Variants in ITSN2 observed in about 807,000 individuals in gnomAD.
ITSN2 encodes intersectin-2.
ITSN2 carries 156 observed loss-of-function variants against 243.7 expected under a neutral mutation model. That is an observed-to-expected ratio of 0.64 (90% CI 0.56 to 0.73). The LOEUF (loss-of-function observed/expected upper bound fraction) is 0.73, where lower values mean the gene tolerates loss of function less well. Ranked by LOEUF, ITSN2 falls within the 30% of genes least tolerant of loss-of-function variation. The pLI is 0.00. For synonymous variants in ITSN2, 703 were observed against 699.9 expected (o/e 1.00, Z -0.07); for missense variants, 1,801 against 1,996.1 (o/e 0.90, Z 1.86).
At chr2:24,336,111 G>A (rs988805943) in intron 1 of ITSN2, among the ~76,000 whole-genome samples, 14 of 151,516 alleles carry the variant, frequency 9.2e-5, no homozygotes, top group Admixed American at 3.9e-4. Context: ...GCATGGTGGC[G>A]GGCACCTGTA....
intron 2 of ITSN2, among the ~76,000 whole-genome samples, chr2:24,324,566 T>G (rs1000502558): frequency 6.6e-6 from 1 of 152,042 alleles, no homozygotes; most frequent in Non-Finnish European, 1.5e-5. Context: ...GGTACAAAGA[T>G]GAATAAAATG....
At chr2:24,294,923 G>A (rs1294117912) in intron 14 of ITSN2, among the ~76,000 whole-genome samples, 5 of 152,132 alleles carry the variant, frequency 3.3e-5, no homozygotes, top group African/African-American at 9.7e-5. Context: ...ATGTGAAGAC[G>A]CAGCAAGAAG....
At chr2:24,247,414 G>A (rs1252137478) in intron 27 of ITSN2, among the ~76,000 whole-genome samples, 3 of 152,104 alleles carry the variant, frequency 2.0e-5, no homozygotes, top group African/African-American at 7.2e-5. Context: ...ACTTTAATCT[G>A]TATCCTTTCA....
intron 17 of ITSN2, among the ~76,000 whole-genome samples, chr2:24,279,726 C>CTTTTTT (rs955431908): frequency 9.6e-4 from 75 of 78,234 alleles, no homozygotes; most frequent in Middle Eastern, 0.013. Flanking sequence ...TGTGAATTTT[C>CTTTTTT]TTTTTTTTTT....
intron 1 of ITSN2, among the ~76,000 whole-genome samples, chr2:24,346,102 T>C (rs1005415877): frequency 2.0e-5 from 3 of 152,156 alleles, no homozygotes; most frequent in Non-Finnish European, 4.4e-5. Flanking sequence ...CCTCTAAGAC[T>C]GTATCCCAGC....
chr2:24,334,400 G>A lies in ITSN2; in HGVS notation c.-33-6285C>T, dbSNP rs1240517330. On this transcript the variant is annotated intron_variant, in intron 1 of 39. Coordinates refer to ENST00000355123, the MANE Select transcript of ITSN2 (RefSeq NM_006277.3). Reference sequence around the variant, plus strand: ...AGTAGAGATGGGGTTTCACCATCTTGGCCAAACCCCAAACCCCTTGGCCCA... The same window carrying A: ...AGTAGAGATGGGGTTTCACCATCTTAGCCAAACCCCAAACCCCTTGGCCCA... The A allele has an allele frequency of 1.9e-4, 77 of 402,740 alleles. 2 individuals are homozygous for A. The highest frequency in any genetic ancestry group is 1.5e-3 in the South Asian group (71 of 46,946). 24.9% of individuals were successfully genotyped at this position (402,740 alleles called of 1,614,324 possible). A position where few individuals can be genotyped will look rare whatever the true frequency, so the allele number is the denominator to read the frequency against.
At chr2:24,303,730 A>T in intron 9 of ITSN2, 69 bp downstream of exon 9, 1 of 972,216 alleles carries the variant, frequency 1.0e-6, no homozygotes, top group Non-Finnish European at 1.7e-6. Context: ...TTCTTGTAAT[A>T]GGGGAGAGAG....
intron 1 of ITSN2, among the ~76,000 whole-genome samples, chr2:24,342,108 G>A (rs77524462): frequency 0.024 from 3,705 of 152,224 alleles, 53 homozygotes; most frequent in Non-Finnish European, 0.036. Flanking sequence ...TTCAGGAAGG[G>A]GAGTAAGAAT....
intron 13 of ITSN2, among the ~76,000 whole-genome samples, chr2:24,297,873 G>A (rs1681180565): frequency 6.6e-6 from 1 of 152,054 alleles, no homozygotes; most frequent in African/African-American, 2.4e-5. Flanking sequence ...AGCATTTTGA[G>A]TCATTATCCT....
At chr2:24,219,661 G>A (rs527648990) in intron 30 of ITSN2, among the ~76,000 whole-genome samples, 3 of 152,222 alleles carry the variant, frequency 2.0e-5, no homozygotes, top group Non-Finnish European at 4.4e-5. Context: ...TTTTCACCCA[G>A]AATCCTGGAC....
Position 24,305,571 on chromosome 2 carries a change from T to G in ITSN2, c.794-1709A>C, listed in dbSNP as rs1409345507. ...CAGCCTGGGCAACAGAGCAAGACTC[T>G]GTCTCAAAAAAAAAAAAAAAAAAAA... is the stretch of plus-strand genomic sequence containing the variant. On this transcript the variant is annotated intron_variant, in intron 8 of 39. Transcript: ENST00000355123. 4.9e-5 allele frequency among the ~76,000 whole-genome samples: 6 copies of G among 121,678 alleles called. No homozygotes were observed. The Admixed American group carries it at 5.4e-4, about 11-fold the overall frequency. The allele number at this position is 121,678 out of a possible 152,430, so 79.8% of individuals were successfully genotyped here. A position where few individuals can be genotyped will look rare whatever the true frequency, so the allele number is the denominator to read the frequency against.
At chr2:24,276,668 A>T (rs1678050291) in intron 17 of ITSN2, among the ~76,000 whole-genome samples, 1 of 152,186 alleles carries the variant, frequency 6.6e-6, no homozygotes, top group Admixed American at 6.5e-5. Context: ...CGTGGTTTTA[A>T]AAGGTCTGCC....
chr2:24,330,390 G>A (rs1213980421), intron 1 of ITSN2: 7 of 575,568 alleles, frequency 1.2e-5, no homozygotes, highest in Middle Eastern at 2.8e-4. Flanking sequence ...TCCTGCCACC[G>A]TTGCCACCAC....
intron 1 of ITSN2, among the ~76,000 whole-genome samples, chr2:24,358,161 G>A (rs1481575140): frequency 6.6e-6 from 1 of 152,098 alleles, no homozygotes; most frequent in African/African-American, 2.4e-5. Flanking sequence ...CGCCCTCCTC[G>A]GCCTCCCAAA....
rs769702785 is a variant in ITSN2, at chr2:24,204,240, C to T, written c.4936+5G>A. The T allele has an allele frequency of 1.2e-6, 2 of 1,613,884 alleles. No individual in the cohort carries two copies. Among genetic ancestry groups the T allele is most frequent in the East Asian group, 2.2e-5 (1 of 44,884 alleles). On this transcript the variant is annotated splice_donor_5th_base_variant and intron_variant, in intron 39 of 39. Coordinates refer to ENST00000355123, the MANE Select transcript of ITSN2 (RefSeq NM_006277.3). This position sits in a 1 kb window ranked among gnomAD's most constrained non-coding sequence, Gnocchi z 5.1. ...CTTTAGATCCCCTGGCTGAGCGACA[C>T]TTACCATCTGGTGAAAACTGGTCTC...
In ITSN2 at chr2:24,220,956, G is replaced by A. The variant is rs1389083288; in HGVS notation, c.3688C>T (p.Leu1230Phe). 1 of 1,599,278 alleles carries A rather than the reference G, an allele frequency of 6.3e-7. No individual in the cohort carries two copies. ...AGCAGCCTCCTCACCTCGACGACGAGCTGAAGGTCAGCCATGTACCGCTCT... is the reference window on the plus strand; with the variant it reads ...AGCAGCCTCCTCACCTCGACGACGAACTGAAGGTCAGCCATGTACCGCTCT... ...TEERYMADLQ[L>F]VVEVFQKRMA... Residue 1230 changes from leucine to phenylalanine, a missense_variant, in exon 30 of 40, where the codon CTC (leucine) becomes TTC (phenylalanine). Physicochemically the swap from Leu to Phe is conservative, Grantham distance 22. This residue lies in a region of ITSN2 where 928 missense variants were observed against 1,065.4 expected (regional missense o/e 0.87). Coordinates refer to ENST00000355123, the MANE Select transcript of ITSN2 (RefSeq NM_006277.3).
chr2:24,334,950 C>A (rs1047576952), intron 1 of ITSN2: 2 of 377,014 alleles, frequency 5.3e-6, no homozygotes, highest in Non-Finnish European at 1.0e-5. Flanking sequence ...GTAGTCCCAG[C>A]TACTCGGGAG....
chr2:24,251,863 G>C (rs1461887453), intron 25 of ITSN2, among the ~76,000 whole-genome samples: 3 of 151,766 alleles, frequency 2.0e-5, no homozygotes, highest in African/African-American at 7.3e-5. Flanking sequence ...AAGCCTATGG[G>C]GTTCCTCAAT....
chr2:24,258,960 G>A (rs537320808), intron 22 of ITSN2, among the ~76,000 whole-genome samples: 2 of 152,138 alleles, frequency 1.3e-5, no homozygotes, highest in East Asian at 3.9e-4. Flanking sequence ...TTCCCTTACT[G>A]TTCCACAGGA....
Sources: allele counts gnomAD v4.1 joint callset (sites outside exome capture counted in the v4.1 genomes callset), GRCh38; gene constraint gnomAD v4.1.1; regional missense constraint gnomAD v4.1.1; non-coding constraint Gnocchi (gnomAD v3.1); transcripts MANE v1.5; gene names NCBI Gene and HGNC (gene_info 2026-07-23, HGNC 2026-07-21).